Variants in CFI observed in about 807,000 individuals in gnomAD.
CFI encodes the protein C3B/C4B inactivator.
Under a neutral mutation model 78.8 loss-of-function variants are expected in CFI, and 66 were observed. The ratio of observed to expected loss-of-function variants is 0.84; its 90% CI spans 0.69 to 1.03. The LOEUF is 1.03. Among genes scored for constraint, CFI ranks in the 50% least tolerant of loss-of-function variants. CFI has a pLI of 0.00. For synonymous variants in CFI, 250 were observed against 232.6 expected (o/e 1.07, Z -0.68); for missense variants, 706 against 704.5 (o/e 1.00, Z -0.02).
intron 7 of CFI, among the ~76,000 whole-genome samples, chr4:109,752,885 T>A (rs564672919): frequency 1.5e-3 from 182 of 118,582 alleles, no homozygotes; most frequent in Non-Finnish European, 2.5e-3. Context: ...AAATATTATA[T>A]AATATATATT....
rs114350186 is a variant in CFI at position 109,755,965 on chromosome 4, C to G, written c.904+1798G>C. ...AGAAGCAACAAATTAGATGAACACACAGTAACATGGACAGGTCTTTAAAAT... is the reference window on the plus strand; with the variant it reads ...AGAAGCAACAAATTAGATGAACACAGAGTAACATGGACAGGTCTTTAAAAT... On this transcript the variant is annotated intron_variant, in intron 7 of 12. Transcript: ENST00000394634. Among the ~76,000 whole-genome samples the G allele has an allele frequency of 1.6e-3, 242 of 151,934 alleles. 1 individual carries two copies. The highest frequency in any genetic ancestry group is 5.6e-3 in the African/African-American group (233 of 41,384).
Position 109,766,544 on chromosome 4 carries a change from C to T in CFI, c.328+10G>A. ...ATCATAGAATGACTTGAAAACTAGT[C>T]TCTTGCTACCTTCGGCTGTGCATGT... On this transcript the variant is annotated intron_variant, in intron 2 of 12. Coordinates refer to ENST00000394634, the MANE Select transcript of CFI (RefSeq NM_000204.5). The T allele has an allele frequency of 1.2e-6, 2 of 1,614,040 alleles. No homozygotes were observed. The highest frequency in any genetic ancestry group is 1.7e-6 in the Non-Finnish European group (2 of 1,179,936).
At chr4:109,760,748 A>T in intron 4 of CFI, 112 bp from the exon 5 acceptor site, 1 of 726,600 alleles carries the variant, frequency 1.4e-6, no homozygotes, top group South Asian at 1.5e-5. Context: ...CTTCAAAAAA[A>T]TGTATAAAAC....
chr4:109,764,782 T>A (rs1003520671), intron 2 of CFI, 92 bp from the exon 3 acceptor site: 2 of 1,169,016 alleles, frequency 1.7e-6, no homozygotes, highest in African/African-American at 3.1e-5. Context: ...GTACTTAATG[T>A]CAAGTGAGCT....
intron 3 of CFI, among the ~76,000 whole-genome samples, chr4:109,763,268 T>A (rs1484103493): frequency 6.6e-6 from 1 of 152,136 alleles, no homozygotes; most frequent in Non-Finnish European, 1.5e-5. Context: ...TTTTCTATTA[T>A]TACTGAAGGT....
At position 109,791,738 on chromosome 4, in the gene CFI, A is replaced by T. The variant is rs139994174; in HGVS notation, c.57+10177T>A. Among the ~76,000 whole-genome samples the T allele has an allele frequency of 4.9e-3, 741 of 152,300 alleles. 2 individuals are homozygous for T. The highest frequency in any genetic ancestry group is 0.041 in the Middle Eastern group (12 of 294). Reference sequence around the variant, plus strand: ...CTTCTTTTTGTCAGATTTGTAGAAGATCAGATACTTGTAAGGGTGCAGCCT... The same window carrying T: ...CTTCTTTTTGTCAGATTTGTAGAAGTTCAGATACTTGTAAGGGTGCAGCCT... On this transcript the variant is annotated intron_variant, in intron 1 of 12. Coordinates refer to ENST00000394634, the MANE Select transcript of CFI (RefSeq NM_000204.5).
chr4:109,753,008 T>TATAAATAA (rs1319314908), intron 7 of CFI, among the ~76,000 whole-genome samples: 3 of 108,908 alleles, frequency 2.8e-5, no homozygotes, highest in African/African-American at 7.1e-5. Flanking sequence ...ATATTTATTA[T>TATAAATAA]ATATTTATTA....
At chr4:109,801,760 A>G (rs1732792278) in intron 1 of CFI, among the ~76,000 whole-genome samples, 155 bp downstream of exon 1, 1 of 152,260 alleles carries the variant, frequency 6.6e-6, no homozygotes, top group Non-Finnish European at 1.5e-5. Context: ...TCAAGATATT[A>G]ACATAAAACA....
chr4:109,782,092 A>T (rs112009111), intron 1 of CFI, among the ~76,000 whole-genome samples: 13,341 of 152,174 alleles, frequency 0.088, 1,239 homozygotes, highest in African/African-American at 0.23. Context: ...CCCTCTGAGA[A>T]CTGGAACAAG....
chr4:109,735,418 T>C, the CFI span, among the ~76,000 whole-genome samples: 1 of 152,266 alleles, frequency 6.6e-6, no homozygotes, highest in Non-Finnish European at 1.5e-5. Flanking sequence ...TTGTGGGGTT[T>C]AACGTACCAC....
At position 109,778,845 on chromosome 4, in the gene CFI, G is replaced by A. The variant is rs903849165; in HGVS notation, c.58-12021C>T. 6.0e-4 allele frequency among the ~76,000 whole-genome samples: 91 copies of A among 152,104 alleles called. 4 individuals are homozygous for A. Among genetic ancestry groups the A allele is most frequent in the Admixed American group, 1.3e-4 (2 of 15,260 alleles). ...GTTTAACATATGCAAATCAATAAAC[G>A]TAATCCATCATATAAACAGAACCAA... On this transcript the variant is annotated intron_variant, in intron 1 of 12. Transcript: ENST00000394634.
rs542257295 is a variant in CFI, at chr4:109,781,048, A to G, written c.58-14224T>C. On this transcript the variant is annotated intron_variant, in intron 1 of 12. Transcript: ENST00000394634. ...GCATTAGGAGATATACCTAATGTAC[A>G]TGACAAGTTAACGTGTGCAGCACAC... Among the ~76,000 whole-genome samples the G allele has an allele frequency of 3.3e-5, 5 of 152,312 alleles. No individual in the cohort carries two copies. In the South Asian group the frequency reaches 1.0e-3, roughly 32 times the overall value.
rs553995223 is a variant in CFI at position 109,751,427 on chromosome 4, G to A, written c.940+1041C>T. ...CCTTTTGACTAACATCTATAGCTTC[G>A]AGAGCTAAATCTTTTTTTTTTTTTT... On this transcript the variant is annotated intron_variant, in intron 8 of 12. Transcript: ENST00000394634. Among the ~76,000 whole-genome samples, 370 of 146,714 alleles carry A rather than the reference G, an allele frequency of 2.5e-3. 4 individuals are homozygous for A. The highest frequency in any genetic ancestry group is 8.9e-3 in the African/African-American group (361 of 40,520).
intron 1 of CFI, among the ~76,000 whole-genome samples, chr4:109,776,282 C>T (rs1372642913): frequency 6.6e-6 from 1 of 152,096 alleles, no homozygotes. Flanking sequence ...CTTAAATGAC[C>T]TGATGGAGCT....
Position 109,746,206 on chromosome 4 carries a change from A to G in CFI, c.1429+16T>C, listed in dbSNP as rs753424289. ...CCAACTCATGGCTTCTGATTAACAA[A>G]CTGTAAAACATATACCTTTTTCTCG... On this transcript the variant is annotated intron_variant, in intron 11 of 12. Transcript: ENST00000394634. 2.5e-6 allele frequency: 4 copies of G among 1,613,988 alleles called. No homozygotes were observed. In the Admixed American group the frequency reaches 6.7e-5, roughly 27 times the overall value.
Position 109,749,621 on chromosome 4 carries a change from T to C in CFI, c.941-19A>G, listed in dbSNP as rs757469650. The C allele has an allele frequency of 1.4e-5, 20 of 1,464,298 alleles. No individual in the cohort carries two copies. Among genetic ancestry groups the C allele is most frequent in the Non-Finnish European group, 1.9e-5 (20 of 1,043,998 alleles). The allele number at this position is 1,464,298 out of a possible 1,614,324, so 90.7% of individuals were successfully genotyped here. A position where few individuals can be genotyped will look rare whatever the true frequency, so the allele number is the denominator to read the frequency against. On this transcript the variant is annotated intron_variant, in intron 8 of 12. Coordinates refer to ENST00000394634, the MANE Select transcript of CFI (RefSeq NM_000204.5). ...CTTCTTTCTTCAAGAAAGGAAGAGA[T>C]TACATCATTATTATCTTGAACCCAT...
chr4:109,767,733 AG>A (rs1411091822), intron 1 of CFI, among the ~76,000 whole-genome samples: 1 of 151,604 alleles, frequency 6.6e-6, no homozygotes, highest in Non-Finnish European at 1.5e-5. Context: ...GCGATTCCTC[AG>A]GGATCTAGAA....
At position 109,749,255 on chromosome 4, in the gene CFI, C is replaced by G; in HGVS notation, c.1111G>C (p.Gly371Arg). The change falls in exon 10 of 13, where the codon GGT (glycine) becomes CGT (arginine). Residue 371 changes from glycine to arginine, a missense_variant. Gly to Arg is a moderately radical substitution (Grantham distance 125). Transcript: ENST00000394634. ...GCAGCAGTCAGAATCCAACAGCCAC[C>G]AATATAAATTCCCCCACAGGTGATT... is the stretch of plus-strand genomic sequence containing the variant. ...SGITCGGIYI[G>R]GCWILTAAHC... 1 of 1,614,110 alleles carries G rather than the reference C, an allele frequency of 6.2e-7. No homozygotes were observed. Among genetic ancestry groups the G allele is most frequent in the Non-Finnish European group, 8.5e-7 (1 of 1,180,010 alleles).
intron 10 of CFI, 94 bp downstream of exon 10, chr4:109,749,124 A>G (rs1724821581): frequency 6.3e-6 from 7 of 1,114,548 alleles, no homozygotes; most frequent in Non-Finnish European, 9.7e-6. Context: ...GTTTGTCAGT[A>G]CCTTTTTCAG....
Sources: gnomAD v4.1 joint callset for allele counts (sites outside exome capture counted in the v4.1 genomes callset) on GRCh38, gnomAD v4.1.1 for gene constraint, MANE v1.5 for transcripts, NCBI Gene and HGNC (gene_info 2026-07-23, HGNC 2026-07-21) for gene names.